RTN4RL2: variants seen among roughly 807,000 people sequenced by gnomAD.
RTN4RL2 encodes the protein reticulon 4 receptor like 2.
In RTN4RL2, 9 loss-of-function variants were observed where a neutral mutation model predicts 27.8. The ratio of observed to expected loss-of-function variants is 0.32; its 90% confidence interval spans 0.20 to 0.57. The LOEUF (loss-of-function observed/expected upper bound fraction) is 0.57, where lower values mean the gene tolerates loss of function less well. Among genes scored for constraint, RTN4RL2 ranks in the 20% least tolerant of loss-of-function variants. The pLI, the probability that RTN4RL2 is intolerant of heterozygous loss-of-function variation, is 0.90. For synonymous variants in RTN4RL2, 285 were observed against 297.9 expected, an observed-to-expected ratio of 0.96 and a Z score of 0.45; for missense variants, 436 against 596.8, an observed-to-expected ratio of 0.73 and a Z score of 2.81.
chr11:57,467,759 G>T lies in RTN4RL2; in HGVS notation c.182G>T (p.Ser61Ile). 1 of 1,613,722 alleles carries T rather than the reference G, an allele frequency of 6.2e-7. No individual in the cohort carries two copies. Reference sequence around the variant, plus strand: ...TCTGTGCCGCTGTCCCTGCCACCCAGCACTCAGCGACTCTTCCTGCAGAAC... The same window carrying T: ...TCTGTGCCGCTGTCCCTGCCACCCATCACTCAGCGACTCTTCCTGCAGAAC... ...FSSVPLSLPP[S>I]TQRLFLQNNL... Residue 61 changes from serine (S) to isoleucine (I), a missense_variant, in exon 2 of 3, where the codon AGC (serine) becomes ATC (isoleucine). Physicochemically the swap from Ser to Ile is moderately radical, Grantham distance 142. Around this residue, in one of 3 missense-constraint regions of RTN4RL2, gnomAD observed 365 missense variants for 530.5 expected, o/e 0.69. Coordinates refer to ENST00000335099, the MANE Select transcript of RTN4RL2 (RefSeq NM_178570.3). This position sits in a 1 kb window ranked among gnomAD's most constrained non-coding sequence, Gnocchi z 5.5.
intron 2 of RTN4RL2, among the ~76,000 whole-genome samples, chr11:57,472,669 G>A (rs1275784182): frequency 1.3e-5 from 2 of 152,198 alleles, no homozygotes; most frequent in African/African-American, 4.8e-5. Flanking sequence ...CCTGTACCTT[G>A]GCGAGCAGGG....
At chr11:57,471,476 C>T (rs952950370) in intron 2 of RTN4RL2, among the ~76,000 whole-genome samples, 11 of 152,188 alleles carry the variant, frequency 7.2e-5, no homozygotes, top group African/African-American at 2.7e-4. Context: ...TCACACCTGG[C>T]CTTTTATAGA....
chr11:57,464,387 G>C (rs1943507063), intron 1 of RTN4RL2, among the ~76,000 whole-genome samples: 1 of 152,206 alleles, frequency 6.6e-6, no homozygotes, highest in Non-Finnish European at 1.5e-5. Flanking sequence ...CAGTCCGGAG[G>C]CTGGGGGAAA....
intron 1 of RTN4RL2, among the ~76,000 whole-genome samples, chr11:57,465,185 A>G (rs978726410): frequency 6.6e-6 from 1 of 152,202 alleles, no homozygotes; most frequent in Non-Finnish European, 1.5e-5. Context: ...GGCAGCTGGG[A>G]TGCCAGCGCC....
At chr11:57,473,008 T>A (rs1943572765) in intron 2 of RTN4RL2, among the ~76,000 whole-genome samples, 1 of 152,178 alleles carries the variant, frequency 6.6e-6, no homozygotes, top group Non-Finnish European at 1.5e-5. Context: ...AATAATAGTA[T>A]CCACCTCATA....
intron 2 of RTN4RL2, chr11:57,468,424 C>G: frequency 1.3e-6 from 1 of 769,388 alleles, no homozygotes; most frequent in East Asian, 2.7e-5. Context: ...TTGCCTCCCC[C>G]ATCTGTCTTC....
intron 2 of RTN4RL2, chr11:57,468,434 C>T: frequency 1.2e-6 from 1 of 832,718 alleles, no homozygotes; most frequent in Non-Finnish European, 1.9e-6. Flanking sequence ...CATCTGTCTT[C>T]TGCCTCTTCT....
chr11:57,465,698 G>A (rs556162918), intron 1 of RTN4RL2, among the ~76,000 whole-genome samples: 1 of 152,274 alleles, frequency 6.6e-6, no homozygotes, highest in Admixed American at 6.5e-5. Flanking sequence ...GACGGCAAAG[G>A]CCAGGGATGA....
intron 2 of RTN4RL2, among the ~76,000 whole-genome samples, chr11:57,474,345 C>T (rs1943583264): frequency 6.6e-6 from 1 of 152,182 alleles, no homozygotes; most frequent in African/African-American, 2.4e-5. Context: ...GGGGCGAGAA[C>T]AGGCAGGAGC....
rs774222175 is a variant in RTN4RL2, at chr11:57,467,609, C to A, written c.32C>A (p.Ala11Asp). 6.2e-7 allele frequency: 1 copy of A among 1,602,880 alleles called. No individual in the cohort carries two copies. Among genetic ancestry groups the A allele is most frequent in the Non-Finnish European group, 8.5e-7 (1 of 1,174,330 alleles). The change falls in exon 2 of 3, where the codon GCT becomes GAT. Residue 11 changes from alanine to aspartate, a missense_variant and splice_region_variant. Around this residue, in one of 3 missense-constraint regions of RTN4RL2, gnomAD observed 365 missense variants for 530.5 expected, o/e 0.69. Coordinates refer to ENST00000335099, the MANE Select transcript of RTN4RL2 (RefSeq NM_178570.3). This position sits in a 1 kb window ranked among gnomAD's most constrained non-coding sequence, Gnocchi z 5.5. MLPGLRRLLQ[A>D]PASACLLLML... is the part of the protein sequence containing the mutation. ...TAAGTTCTGCTTCCCCTCCCCACAG[C>A]TCCCGCCTCGGCCTGCCTCCTGCTG...
At chr11:57,472,275 G>A (rs532826607) in intron 2 of RTN4RL2, among the ~76,000 whole-genome samples, 336 of 151,932 alleles carry the variant, frequency 2.2e-3, no homozygotes, top group South Asian at 4.6e-3. Context: ...GTGCAGTGGC[G>A]CAATCTTGGC....
At chr11:57,463,595 C>A (rs563767801) in intron 1 of RTN4RL2, among the ~76,000 whole-genome samples, 23 of 152,096 alleles carry the variant, frequency 1.5e-4, no homozygotes, top group Non-Finnish European at 3.2e-4. Context: ...CCGAGGTATC[C>A]CCCTTTCCAG....
chr11:57,473,778 G>C (rs1181644158), intron 2 of RTN4RL2, among the ~76,000 whole-genome samples: 1 of 152,120 alleles, frequency 6.6e-6, no homozygotes, highest in Non-Finnish European at 1.5e-5. Context: ...CTCAGAGAAG[G>C]GAGGGGCAGG....
rs201769661 is a variant in RTN4RL2 at position 57,466,241 on chromosome 11, G to A, written c.32-1368G>A. Among the ~76,000 whole-genome samples the A allele has an allele frequency of 2.2e-3, 341 of 152,004 alleles. 7 individuals carry two copies. In the East Asian group the frequency reaches 0.051, roughly 23 times the overall value. Reference sequence around the variant, plus strand: ...AGGATGGTCTCGATCTCCTGACCTCGTGATCCACCCGCCTCAGACTCCCAA... The same window carrying A: ...AGGATGGTCTCGATCTCCTGACCTCATGATCCACCCGCCTCAGACTCCCAA... On this transcript the variant is annotated intron_variant, in intron 1 of 2. Coordinates refer to ENST00000335099, the MANE Select transcript of RTN4RL2 (RefSeq NM_178570.3).
intron 2 of RTN4RL2, among the ~76,000 whole-genome samples, chr11:57,470,921 A>T (rs1331438103): frequency 1.3e-5 from 2 of 152,108 alleles, no homozygotes; most frequent in Non-Finnish European, 2.9e-5. Flanking sequence ...TGTAAATAGG[A>T]AACGAGTTAG....
At chr11:57,468,743 T>C in intron 2 of RTN4RL2, 2 of 1,535,982 alleles carry the variant, frequency 1.3e-6, no homozygotes, top group Non-Finnish European at 1.7e-6. Context: ...TAGATTCCCA[T>C]TTTCCAAACC....
rs752055739 is a variant in RTN4RL2, at chr11:57,467,655, G to C, written c.78G>C (p.Leu26=). Residue 26 remains leucine, a synonymous_variant, in exon 2 of 3, where the codon CTG becomes CTC. Transcript: ENST00000335099. This position sits in a 1 kb window ranked among gnomAD's most constrained non-coding sequence, Gnocchi z 5.5. ...TGCTGATGCTCCTGGCCCTGCCCCT[G>C]GCGGCCCCCAGCTGCCCCATGCTCT... is the stretch of plus-strand genomic sequence containing the variant. ...CLLLMLLALP[L]AAPSCPMLCT... is the part of the protein sequence containing the mutation. 5.0e-6 allele frequency: 8 copies of C among 1,610,722 alleles called. No individual in the cohort carries two copies. Among genetic ancestry groups the C allele is most frequent in the Non-Finnish European group, 6.8e-6 (8 of 1,179,354 alleles).
chr11:57,467,885 G>A lies in RTN4RL2; in HGVS notation c.308G>A (p.Arg103His), dbSNP rs200131252. 71 of 1,613,938 alleles carry A rather than the reference G, an allele frequency of 4.4e-5. No homozygotes were observed. The highest frequency in any genetic ancestry group is 5.3e-5 in the Non-Finnish European group (63 of 1,179,966). ...TCCACCATCTACCCGGGCACTTTCCGCCACTTGCAAGCCCTGGAGGAGCTG... is the reference window on the plus strand; with the variant it reads ...TCCACCATCTACCCGGGCACTTTCCACCACTTGCAAGCCCTGGAGGAGCTG... ...NLSTIYPGTF[R>H]HLQALEELDL... Residue 103 changes from arginine (R) to histidine (H), a missense_variant, in exon 2 of 3, where the codon CGC becomes CAC. Coordinates refer to ENST00000335099, the MANE Select transcript of RTN4RL2 (RefSeq NM_178570.3). The surrounding 1 kb of genome is among the most constrained non-coding windows in gnomAD (Gnocchi z 5.5).
At chr11:57,468,574 A>C in intron 2 of RTN4RL2, 1 of 1,536,542 alleles carries the variant, frequency 6.5e-7, no homozygotes, top group South Asian at 1.2e-5. Context: ...TCCCCTGCCC[A>C]AAGGCCTTTG....
Sources: gnomAD v4.1 joint callset for allele counts (sites outside exome capture counted in the v4.1 genomes callset) on GRCh38, gnomAD v4.1.1 for gene constraint, gnomAD v4.1.1 regional missense constraint, Gnocchi (gnomAD v3.1) non-coding constraint, MANE v1.5 for transcripts, NCBI Gene and HGNC (gene_info 2026-07-23, HGNC 2026-07-21) for gene names.